Variants in DCAF10 observed in about 807,000 individuals in gnomAD.
DCAF10 encodes DDB1 and CUL4 associated factor 10, also known as DDB1- and CUL4-associated factor 10.
A neutral mutation model predicts 51.9 loss-of-function variants in DCAF10; 19 were observed. That is an observed-to-expected ratio of 0.37 (90% CI 0.26 to 0.54). The LOEUF is 0.54. Among genes scored for constraint, DCAF10 ranks in the 20% least tolerant of loss-of-function variants. The probability of loss-of-function intolerance (pLI) is 0.87; values close to 1 mark genes in which losing one functional copy is unlikely to be tolerated. For synonymous variants in DCAF10, 291 were observed against 297.1 expected, an observed-to-expected ratio of 0.98 and a Z score of 0.21; for missense variants, 510 against 730.6, an observed-to-expected ratio of 0.70 and a Z score of 3.48.
intron 2 of DCAF10, among the ~76,000 whole-genome samples, chr9:37,827,161 G>A (rs1242366658): frequency 6.6e-6 from 1 of 152,100 alleles, no homozygotes; most frequent in Non-Finnish European, 1.5e-5. Context: ...ACCAACATAA[G>A]AAGCAACTAC....
intron 4 of DCAF10, among the ~76,000 whole-genome samples, chr9:37,856,563 T>C (rs909558809): frequency 6.6e-6 from 1 of 152,238 alleles, no homozygotes; most frequent in Non-Finnish European, 1.5e-5. Flanking sequence ...GATGATGAAA[T>C]AGACACTGCT....
chr9:37,800,998 G>A lies in DCAF10; in HGVS notation c.132G>A (p.Ala44=). The A allele has an allele frequency of 6.5e-7, 1 of 1,533,198 alleles. No individual in the cohort carries two copies. The highest frequency in any genetic ancestry group is 1.2e-5 in the South Asian group (1 of 82,418). 95.0% of individuals were successfully genotyped at this position (1,533,198 alleles called of 1,614,324 possible). A position where few individuals can be genotyped will look rare whatever the true frequency, so the allele number is the denominator to read the frequency against. ...PPSPLHPGAD[A]THPPPPARSP... ...CGCCACTACATCCCGGGGCTGATGCGACCCATCCCCCTCCACCCGCCCGAA... is the reference window on the plus strand; with the variant it reads ...CGCCACTACATCCCGGGGCTGATGCAACCCATCCCCCTCCACCCGCCCGAA... The change falls in exon 1 of 7, where the codon GCG becomes GCA. Residue 44 remains alanine (A), a synonymous_variant. Transcript: ENST00000377724.
At chr9:37,817,432 C>A (rs1829574929) in intron 1 of DCAF10, among the ~76,000 whole-genome samples, 1 of 151,938 alleles carries the variant, frequency 6.6e-6, no homozygotes, top group Non-Finnish European at 1.5e-5. Flanking sequence ...ACCCTGTCTC[C>A]ATTAAAAATA....
At chr9:37,840,900 A>G (rs900756960) in intron 2 of DCAF10, among the ~76,000 whole-genome samples, 1 of 147,136 alleles carries the variant, frequency 6.8e-6, no homozygotes, top group Non-Finnish European at 1.5e-5. Flanking sequence ...ATATACAAAT[A>G]CTTACGATTG....
chr9:37,807,375 A>T (rs898015404), intron 1 of DCAF10, among the ~76,000 whole-genome samples: 7 of 152,106 alleles, frequency 4.6e-5, no homozygotes, highest in Admixed American at 3.9e-4. Flanking sequence ...TTATTTAATG[A>T]CTATAAATTT....
At position 37,842,379 on chromosome 9, in the gene DCAF10, A is replaced by G. The variant is rs558488548; in HGVS notation, c.851+93A>G. On this transcript the variant is annotated intron_variant, in intron 3 of 6. Coordinates refer to ENST00000377724, the MANE Select transcript of DCAF10 (RefSeq NM_024345.5). ...TCAGTGTTCTGTCCTAGCCTCAAGA[A>G]GGAAACTGGCTTTAGGAAAAGCAAC... 1.3e-4 allele frequency: 164 copies of G among 1,267,236 alleles called. 2 individuals carry two copies. In the South Asian group the frequency reaches 2.6e-3, roughly 20 times the overall value. The allele number at this position is 1,267,236 out of a possible 1,614,324, so 78.5% of individuals were successfully genotyped here.
intron 2 of DCAF10, among the ~76,000 whole-genome samples, chr9:37,826,443 C>G (rs1829853477): frequency 6.6e-6 from 1 of 152,152 alleles, no homozygotes; most frequent in Non-Finnish European, 1.5e-5. Flanking sequence ...GGTGTGGATG[C>G]TATAGCCTTT....
intron 2 of DCAF10, among the ~76,000 whole-genome samples, chr9:37,841,442 C>T (rs913054479): frequency 4.6e-5 from 7 of 152,064 alleles, no homozygotes; most frequent in African/African-American, 1.7e-4. Flanking sequence ...TATATTCTCA[C>T]TAAGGATTGA....
chr9:37,830,600 A>C (rs564190413), intron 2 of DCAF10, among the ~76,000 whole-genome samples: 64 of 152,344 alleles, frequency 4.2e-4, no homozygotes, highest in African/African-American at 1.5e-3. Context: ...GTAATGTTCA[A>C]AAATATGTGA....
intron 1 of DCAF10, among the ~76,000 whole-genome samples, chr9:37,811,828 A>G (rs1489239429): frequency 2.0e-5 from 3 of 152,204 alleles, no homozygotes; most frequent in African/African-American, 4.8e-5. Context: ...ATGGATGACA[A>G]TTTTAAAAAT....
In DCAF10 at chr9:37,867,175, T is replaced by A. The variant is rs1831153703; in HGVS notation, c.*5667T>A. 6.6e-6 allele frequency: 1 copy of A among 152,282 alleles called. No individual in the cohort carries two copies. The highest frequency in any genetic ancestry group is 1.5e-5 in the Non-Finnish European group (1 of 68,016). The allele number at this position is 152,282 out of a possible 1,614,324, so 9.4% of individuals were successfully genotyped here. On this transcript the variant is annotated 3_prime_UTR_variant, in exon 7 of 7. Coordinates refer to ENST00000377724, the MANE Select transcript of DCAF10 (RefSeq NM_024345.5). ...TGTAAATGAACTAGGGATAAAGATATGGGTTTTATCAAAAGCCCTAAGGAA... is the reference window on the plus strand; with the variant it reads ...TGTAAATGAACTAGGGATAAAGATAAGGGTTTTATCAAAAGCCCTAAGGAA...
chr9:37,861,490 G>T lies in DCAF10; in HGVS notation c.1662G>T (p.Leu554Phe). 1.2e-6 allele frequency: 2 copies of T among 1,608,050 alleles called. No individual in the cohort carries two copies. The highest frequency in any genetic ancestry group is 1.7e-6 in the Non-Finnish European group (2 of 1,174,926). Residue 554 changes from leucine to phenylalanine, a missense_variant, in exon 7 of 7, where the codon TTG becomes TTT. This residue lies in a region of DCAF10 where 104 missense variants were observed against 206.2 expected (regional missense o/e 0.50). Transcript: ENST00000377724. This position sits in a 1 kb window ranked among gnomAD's most constrained non-coding sequence, Gnocchi z 4.9. ...ASGCLSGRVS[L>F]YQPKF ...GGTGCCTTAGTGGACGGGTTTCTTT[G>T]TATCAGCCAAAGTTTTAGGCACAAC...
upstream of DCAF10, chr9:37,800,603 T>G: frequency 6.5e-7 from 1 of 1,536,030 alleles, no homozygotes; most frequent in Non-Finnish European, 8.7e-7. Flanking sequence ...ACAGACCGAC[T>G]CTGCCACCCA....
In DCAF10 at chr9:37,834,323, CAATT is replaced by C. The variant is rs200481695; in HGVS notation, c.654-7763_654-7760del. Among the ~76,000 whole-genome samples, 1,122 of 152,144 alleles carry C rather than the reference CAATT, an allele frequency of 7.4e-3. 17 individuals carry two copies. Among genetic ancestry groups the C allele is most frequent in the African/African-American group, 0.026 (1,069 of 41,494 alleles). ...GTAATATTTTGAGGCAAAAATGAGC[CAATT>C]AAAGTCAAAGTATTGAATTTCTCAT... On this transcript the variant is annotated intron_variant, in intron 2 of 6. Transcript: ENST00000377724.
At chr9:37,807,020 T>C (rs1829134784) in intron 1 of DCAF10, among the ~76,000 whole-genome samples, 1 of 152,236 alleles carries the variant, frequency 6.6e-6, no homozygotes, top group Admixed American at 6.5e-5. Flanking sequence ...CAATAAATTA[T>C]TTTTGTGACT....
At chr9:37,839,907 T>C (rs1830282002) in intron 2 of DCAF10, among the ~76,000 whole-genome samples, 1 of 152,234 alleles carries the variant, frequency 6.6e-6, no homozygotes, top group Non-Finnish European at 1.5e-5. Flanking sequence ...TCTGGCACCA[T>C]GTGTATTGTA....
In DCAF10 at chr9:37,842,210, A is replaced by G; in HGVS notation, c.775A>G (p.Ile259Val). 6.8e-6 allele frequency: 11 copies of G among 1,613,994 alleles called. No individual in the cohort carries two copies. Among genetic ancestry groups the G allele is most frequent in the Non-Finnish European group, 9.3e-6 (11 of 1,179,932 alleles). ...LHGHTSWVKN[I>V]EYDTNTRLLV... is the part of the protein sequence containing the mutation. ...TGGTCACACTAGCTGGGTGAAGAAC[A>G]TCGAATATGATACTAATACAAGACT... Residue 259 changes from isoleucine to valine, a missense_variant, in exon 3 of 7, where the codon ATC (isoleucine) becomes GTC (valine). Ile to Val is a conservative substitution (Grantham distance 29). Coordinates refer to ENST00000377724, the MANE Select transcript of DCAF10 (RefSeq NM_024345.5).
intron 1 of DCAF10, among the ~76,000 whole-genome samples, chr9:37,813,023 G>C (rs986211008): frequency 6.6e-6 from 1 of 152,168 alleles, no homozygotes; most frequent in Non-Finnish European, 1.5e-5. Context: ...CATGATGTTA[G>C]CTCTTTAGGT....
chr9:37,831,782 G>C (rs1830012951), intron 2 of DCAF10, among the ~76,000 whole-genome samples: 1 of 152,124 alleles, frequency 6.6e-6, no homozygotes, highest in Admixed American at 6.5e-5. Flanking sequence ...TGTGGATTTA[G>C]AGTTCCTTTA....
Sources: gnomAD v4.1 joint callset for allele counts (sites outside exome capture counted in the v4.1 genomes callset) on GRCh38, gnomAD v4.1.1 for gene constraint, gnomAD v4.1.1 regional missense constraint, Gnocchi (gnomAD v3.1) non-coding constraint, MANE v1.5 for transcripts, NCBI Gene and HGNC (gene_info 2026-07-23, HGNC 2026-07-21) for gene names.